Variants in USPL1 observed in about 807,000 individuals in gnomAD.
USPL1 encodes ubiquitin specific peptidase like 1.
In USPL1, 27 loss-of-function variants were observed where a neutral mutation model predicts 51.5. The ratio of observed to expected loss-of-function variants is 0.52; its 90% confidence interval spans 0.39 to 0.72. The LOEUF is 0.72. USPL1 is among the 30% of genes least tolerant of loss of function. The pLI is 0.00. For synonymous variants in USPL1, 451 were observed against 459.6 expected (o/e 0.98, Z 0.24); for missense variants, 1,226 against 1,268.0 (o/e 0.97, Z 0.50).
chr13:30,642,778 A>T, intron 6 of USPL1, 21 bp downstream of exon 6: 1 of 1,603,384 alleles, frequency 6.2e-7, no homozygotes, highest in Non-Finnish European at 8.5e-7. Flanking sequence ...TTTGTTTTTT[A>T]AAATGGGTTC....
chr13:30,629,391 G>T (rs1160320220), intron 3 of USPL1, among the ~76,000 whole-genome samples: 1 of 152,148 alleles, frequency 6.6e-6, no homozygotes, highest in African/African-American at 2.4e-5. Flanking sequence ...GGAGGCTAAG[G>T]TTGTAGGATC....
intron 4 of USPL1, among the ~76,000 whole-genome samples, chr13:30,636,681 T>C (rs952762352): frequency 8.5e-5 from 13 of 152,216 alleles, no homozygotes. Context: ...ATCACAATAG[T>C]ATTTATAATA....
chr13:30,658,644 G>A lies in USPL1; in HGVS notation c.2567G>A (p.Ser856Asn). 6.2e-7 allele frequency: 1 copy of A among 1,614,204 alleles called. No homozygotes were observed. The change falls in exon 9 of 9, where the codon AGC (serine) becomes AAC (asparagine). Residue 856 changes from serine to asparagine, a missense_variant. Physicochemically the swap from Ser to Asn is conservative, Grantham distance 46. Transcript: ENST00000255304. ...TCAGAAGTTTTGGAAAAGTCTGGAAGCACCTCATGTGGAGCTCAACTCAAC... is the reference window on the plus strand; with the variant it reads ...TCAGAAGTTTTGGAAAAGTCTGGAAACACCTCATGTGGAGCTCAACTCAAC... ...AASEVLEKSGSTSCGAQLNHS... is the reference protein window; with the variant it reads ...AASEVLEKSGNTSCGAQLNHS...
intron 7 of USPL1, 81 bp downstream of exon 7, chr13:30,647,138 G>A (rs1951028605): frequency 7.0e-7 from 1 of 1,423,278 alleles, no homozygotes; most frequent in Admixed American, 1.9e-5. Context: ...ATTGAAAATG[G>A]TGACAACAAC....
chr13:30,618,945 A>G (rs1299871272), intron 1 of USPL1, among the ~76,000 whole-genome samples: 1 of 152,186 alleles, frequency 6.6e-6, no homozygotes, highest in Non-Finnish European at 1.5e-5. Flanking sequence ...CATCATTTTG[A>G]CAGTGATATG....
chr13:30,628,000 C>T (rs1197599966), intron 3 of USPL1, among the ~76,000 whole-genome samples: 1 of 151,554 alleles, frequency 6.6e-6, no homozygotes, highest in African/African-American at 2.4e-5. Context: ...CCTCAGCCTC[C>T]TGAGTAGCTG....
chr13:30,651,658 C>G (rs976979124), intron 7 of USPL1, among the ~76,000 whole-genome samples: 1 of 152,154 alleles, frequency 6.6e-6, no homozygotes, highest in Admixed American at 6.6e-5. Flanking sequence ...GGTCAAGGAA[C>G]TAAATATTAG....
rs753843073 is a variant in USPL1 at position 30,631,037 on chromosome 13, A to G, written c.431A>G (p.Glu144Gly). The G allele has an allele frequency of 1.2e-6, 2 of 1,614,162 alleles. No individual in the cohort carries two copies. The change falls in exon 4 of 9, where the codon GAA becomes GGA. Residue 144 changes from glutamate to glycine, a missense_variant. Coordinates refer to ENST00000255304, the MANE Select transcript of USPL1 (RefSeq NM_005800.5). ...GKVLNSKHNGEVYDETSSNLP... is the reference protein window; with the variant it reads ...GKVLNSKHNGGVYDETSSNLP... ...GTTTTGAACAGCAAACATAATGGAG[A>G]AGTATATGACGAAACCTCGTCAAAC...
intron 7 of USPL1, among the ~76,000 whole-genome samples, chr13:30,652,685 C>T (rs1482008384): frequency 6.6e-6 from 1 of 152,130 alleles, no homozygotes; most frequent in Non-Finnish European, 1.5e-5. Context: ...CTGAAATAGG[C>T]CAAATTAATG....
chr13:30,621,102 G>T lies in USPL1; in HGVS notation c.-39G>T. The T allele has an allele frequency of 6.6e-7, 1 of 1,514,060 alleles. No individual in the cohort carries two copies. The highest frequency in any genetic ancestry group is 2.3e-5 in the East Asian group (1 of 43,306). The allele number at this position is 1,514,060 out of a possible 1,614,324, so 93.8% of individuals were successfully genotyped here. The stretch of plus-strand genomic sequence containing the variant: ...CATTGAAAAAATCCTTAGTGATATT[G>T]ACATGTCTCAAGTGACATAAATTAG... On this transcript the variant is annotated 5_prime_UTR_variant, in exon 2 of 9. Transcript: ENST00000255304.
chr13:30,628,408 C>CT (rs1222556847), intron 3 of USPL1, among the ~76,000 whole-genome samples: 2 of 152,092 alleles, frequency 1.3e-5, no homozygotes, highest in African/African-American at 2.4e-5. Context: ...TTTTATTATA[C>CT]TTTAAGTTCT....
chr13:30,649,815 A>T (rs1039370343), intron 7 of USPL1, among the ~76,000 whole-genome samples: 1 of 152,192 alleles, frequency 6.6e-6, no homozygotes, highest in African/African-American at 2.4e-5. Context: ...TAGATCTTTA[A>T]ATAGGAGGAG....
intron 3 of USPL1, among the ~76,000 whole-genome samples, chr13:30,628,904 A>C (rs1480775924): frequency 6.6e-6 from 1 of 152,002 alleles, no homozygotes; most frequent in Non-Finnish European, 1.5e-5. Flanking sequence ...TTGGATACGT[A>C]CCTTTTTATG....
intron 4 of USPL1, among the ~76,000 whole-genome samples, chr13:30,635,156 T>G (rs550965815): frequency 1.3e-5 from 2 of 152,358 alleles, no homozygotes; most frequent in East Asian, 3.9e-4. Context: ...AAAAACTGTC[T>G]TGATTTATAG....
rs527897198 is a variant in USPL1, at chr13:30,621,704, T to C, written c.100-60T>C. The C allele has an allele frequency of 1.3e-5, 16 of 1,278,184 alleles. No individual in the cohort carries two copies. In the South Asian group the frequency reaches 3.1e-4, roughly 25 times the overall value. The allele number at this position is 1,278,184 out of a possible 1,614,324, so 79.2% of individuals were successfully genotyped here. A position where few individuals can be genotyped will look rare whatever the true frequency, so the allele number is the denominator to read the frequency against. On this transcript the variant is annotated intron_variant, in intron 2 of 8. Coordinates refer to ENST00000255304, the MANE Select transcript of USPL1 (RefSeq NM_005800.5). Reference sequence around the variant, plus strand: ...TTCTGGTTACCTTTCCATTTAACTTTTAATATTTTGATATATTCTAGGAAT... The same window carrying C: ...TTCTGGTTACCTTTCCATTTAACTTCTAATATTTTGATATATTCTAGGAAT...
chr13:30,622,361 A>C (rs1230040918), intron 3 of USPL1, among the ~76,000 whole-genome samples: 2 of 152,156 alleles, frequency 1.3e-5, no homozygotes, highest in African/African-American at 2.4e-5. Context: ...AGAAGCTCTA[A>C]ATCGCTTTTA....
chr13:30,654,345 T>TTCTC (rs375597268), intron 8 of USPL1, among the ~76,000 whole-genome samples: 3 of 149,970 alleles, frequency 2.0e-5, no homozygotes, highest in Non-Finnish European at 3.0e-5. Flanking sequence ...CTCTCTCTCA[T>TTCTC]TCTCTCTCTC....
chr13:30,625,150 G>GT (rs1950695234), intron 3 of USPL1, among the ~76,000 whole-genome samples: 1 of 152,202 alleles, frequency 6.6e-6, no homozygotes, highest in African/African-American at 2.4e-5. Flanking sequence ...GGTGGCAGAG[G>GT]TGTTGAGGCA....
rs774601816 is a variant in USPL1, at chr13:30,658,569, G to C, written c.2492G>C (p.Gly831Ala). Residue 831 changes from glycine to alanine, a missense_variant, in exon 9 of 9, where the codon GGC (glycine) becomes GCC (alanine). Physicochemically the swap from Gly to Ala is moderately conservative, Grantham distance 60. Coordinates refer to ENST00000255304, the MANE Select transcript of USPL1 (RefSeq NM_005800.5). ...KPPPISKPPA[G>A]PPSSNGTAAH... ...CCTCCCATCAGTAAGCCACCAGCAG[G>C]CCCTCCATCGTCTAATGGCACAGCT... 8 of 1,614,108 alleles carry C rather than the reference G, an allele frequency of 5.0e-6. No individual in the cohort carries two copies. The East Asian group carries it at 1.8e-4, about 36-fold the overall frequency.
Sources: allele counts gnomAD v4.1 joint callset (sites outside exome capture counted in the v4.1 genomes callset), GRCh38; gene constraint gnomAD v4.1.1; transcripts MANE v1.5; gene names NCBI Gene and HGNC (gene_info 2026-07-23, HGNC 2026-07-21).